The following ARMC8 variants were observed in gnomAD, a reference collection of about 807,000 sequenced individuals.
The protein encoded by ARMC8 is armadillo repeat-containing protein 8.
ARMC8 carries 20 observed loss-of-function variants against 99.3 expected under a neutral mutation model. The ratio of observed to expected loss-of-function variants is 0.20; its 90% confidence interval spans 0.14 to 0.29. The LOEUF is 0.29. Ranked by LOEUF, ARMC8 falls within the 10% of genes least tolerant of loss-of-function variation. ARMC8 has a pLI of 1.00. For missense variants in ARMC8, 569 were observed against 809.5 expected, an observed-to-expected ratio of 0.70 and a Z score of 3.60; for synonymous variants, 263 against 278.3, an observed-to-expected ratio of 0.95 and a Z score of 0.55.
At chr3:138,250,998 A>G (rs2047097828) in intron 12 of ARMC8, among the ~76,000 whole-genome samples, 1 of 152,068 alleles carries the variant, frequency 6.6e-6, no homozygotes, top group African/African-American at 2.4e-5. Context: ...AAAAAATACA[A>G]AAATTATCCA....
At position 138,218,691 on chromosome 3, in the gene ARMC8, T is replaced by C. The variant is rs149432033; in HGVS notation, c.123-3235T>C. Among the ~76,000 whole-genome samples, 651 of 152,290 alleles carry C rather than the reference T, an allele frequency of 4.3e-3. 3 individuals carry two copies. Among genetic ancestry groups the C allele is most frequent in the Non-Finnish European group, 7.4e-3 (500 of 68,002 alleles). On this transcript the variant is annotated intron_variant, in intron 2 of 21. Coordinates refer to ENST00000469044, the MANE Select transcript of ARMC8 (RefSeq NM_001363941.2). Reference sequence around the variant, plus strand: ...ACATTGATAGTGTTATTTTTGCCACTCCACGGATATTGTGAACTCCTCAGA... The same window carrying C: ...ACATTGATAGTGTTATTTTTGCCACCCCACGGATATTGTGAACTCCTCAGA...
At chr3:138,188,365 G>A (rs2107927364) in intron 1 of ARMC8, 2 of 1,421,390 alleles carry the variant, frequency 1.4e-6, no homozygotes, top group Non-Finnish European at 1.9e-6. Context: ...TGACATGCCA[G>A]GAAGTAAAAC....
At chr3:138,277,185 G>A (rs940399832) in intron 18 of ARMC8, among the ~76,000 whole-genome samples, 2 of 152,078 alleles carry the variant, frequency 1.3e-5, no homozygotes, top group African/African-American at 4.8e-5. Flanking sequence ...AGAAAGAATG[G>A]TCTTTTCAAG....
At chr3:138,193,181 C>A (rs925260252) in intron 1 of ARMC8, among the ~76,000 whole-genome samples, 3 of 152,088 alleles carry the variant, frequency 2.0e-5, no homozygotes, top group Admixed American at 6.5e-5. Flanking sequence ...GTTAGTCAGA[C>A]TGGTCTCAAA....
At chr3:138,204,011 A>T (rs985586007) in intron 1 of ARMC8, among the ~76,000 whole-genome samples, 1 of 152,014 alleles carries the variant, frequency 6.6e-6, no homozygotes, top group Admixed American at 6.5e-5. Context: ...TCAGTGTCTT[A>T]TTCCTTCTCC....
chr3:138,216,045 ATTTT>A (rs755521341), intron 2 of ARMC8, among the ~76,000 whole-genome samples: 1 of 128,536 alleles, frequency 7.8e-6, no homozygotes, highest in Non-Finnish European at 1.7e-5. Context: ...TGCCCAGCTA[ATTTT>A]TTTTTTTTTT....
intron 19 of ARMC8, chr3:138,287,921 T>C (rs2050581673): frequency 4.4e-6 from 1 of 229,142 alleles, no homozygotes. Flanking sequence ...TGAGTCCTTT[T>C]TCATTCAGGC....
intron 9 of ARMC8, 140 bp from the exon 10 acceptor site, chr3:138,239,328 C>T (rs566510971): frequency 2.9e-5 from 17 of 578,920 alleles, no homozygotes; most frequent in South Asian, 7.0e-5. Context: ...CTCCGAAAAG[C>T]GAATTGTCAA....
chr3:138,229,178 A>ATATATATATATATATATATGTATATG (rs1576686064), intron 6 of ARMC8, 168 bp downstream of exon 6: 2 of 32,100 alleles, frequency 6.2e-5, no homozygotes, highest in African/African-American at 9.7e-5. Flanking sequence ...ATATATATAT[A>ATATATATATATATATATATGTATATG]TATATGTATA....
At chr3:138,254,751 CAA>C (rs907038675) in intron 12 of ARMC8, among the ~76,000 whole-genome samples, 15 of 152,108 alleles carry the variant, frequency 9.9e-5, no homozygotes, top group African/African-American at 3.1e-4. Context: ...AAAGTCGACT[CAA>C]GAGAAAACTC....
At chr3:138,206,560 C>T (rs966818170) in intron 1 of ARMC8, among the ~76,000 whole-genome samples, 2 of 152,310 alleles carry the variant, frequency 1.3e-5, no homozygotes, top group Non-Finnish European at 2.9e-5. Context: ...ACAGTCTGCT[C>T]CTTCACCTTC....
chr3:138,248,698 A>C (rs1446520292), intron 12 of ARMC8, among the ~76,000 whole-genome samples: 1 of 152,220 alleles, frequency 6.6e-6, no homozygotes, highest in African/African-American at 2.4e-5. Flanking sequence ...TCACCAGTTA[A>C]GTTGGAAGTT....
At chr3:138,243,655 T>C (rs1057177459) in intron 11 of ARMC8, among the ~76,000 whole-genome samples, 4 of 152,126 alleles carry the variant, frequency 2.6e-5, no homozygotes, top group Non-Finnish European at 2.9e-5. Flanking sequence ...ATGTAAAATA[T>C]ATATATTGTC....
At chr3:138,221,811 A>G (rs1047824054) in intron 2 of ARMC8, 115 bp from the exon 3 acceptor site, 3 of 757,888 alleles carry the variant, frequency 4.0e-6, no homozygotes, top group South Asian at 1.7e-5. Context: ...AGGTGAAAAA[A>G]GGTTAGTGCT....
At chr3:138,280,034 G>A (rs1447435353) in intron 18 of ARMC8, among the ~76,000 whole-genome samples, 2 of 151,866 alleles carry the variant, frequency 1.3e-5, no homozygotes, top group East Asian at 3.9e-4. Flanking sequence ...CTCCCAAGTA[G>A]CTGGGATTAC....
chr3:138,293,939 A>G (rs1225716585), intron 21 of ARMC8, among the ~76,000 whole-genome samples: 2 of 152,154 alleles, frequency 1.3e-5, no homozygotes, highest in African/African-American at 4.8e-5. Context: ...CCGTAAAATA[A>G]TAGAATCAAG....
At chr3:138,197,380 C>G (rs111664662) in intron 1 of ARMC8, among the ~76,000 whole-genome samples, 52 of 152,308 alleles carry the variant, frequency 3.4e-4, no homozygotes, top group African/African-American at 1.3e-3. Flanking sequence ...AGGCGCCTGG[C>G]CTGTCTGAAC....
intron 1 of ARMC8, among the ~76,000 whole-genome samples, chr3:138,204,133 G>T (rs891792732): frequency 6.6e-6 from 1 of 152,192 alleles, no homozygotes; most frequent in Admixed American, 6.5e-5. Context: ...AGGCTGGAGT[G>T]CAGTGGCTTG....
chr3:138,209,881 T>A lies in ARMC8; in HGVS notation c.110T>A (p.Leu37Gln). Residue 37 changes from leucine (L) to glutamine (Q), a missense_variant, in exon 2 of 22, where the codon CTA becomes CAA. Transcript: ENST00000469044. ...RLFDPDPQKV[L>Q]QGVIDMKNAV... ...TTTGACCCTGATCCCCAGAAAGTTC[T>A]ACAAGGTGTCATGTAAGTAGTATGT... 1 of 1,613,590 alleles carries A rather than the reference T, an allele frequency of 6.2e-7. No homozygotes were observed. The highest frequency in any genetic ancestry group is 1.1e-5 in the South Asian group (1 of 91,050).
Sources: gnomAD v4.1 joint callset for allele counts (sites outside exome capture counted in the v4.1 genomes callset) on GRCh38, gnomAD v4.1.1 for gene constraint, MANE v1.5 for transcripts, NCBI Gene and HGNC (gene_info 2026-07-23, HGNC 2026-07-21) for gene names.